WIPF3: variants seen among roughly 807,000 people sequenced by gnomAD.
The protein encoded by WIPF3 is WAS/WASL-interacting protein family member 3.
A neutral mutation model predicts 38.9 loss-of-function variants in WIPF3; 33 were observed. That is an observed-to-expected ratio of 0.85 (90% CI 0.64 to 1.14). WIPF3 has a LOEUF of 1.14. Among genes scored for constraint, WIPF3 ranks in the 50% most tolerant of loss-of-function variants. The pLI is 0.00. For missense variants in WIPF3, 711 were observed against 652.5 expected (o/e 1.09, Z -0.98); for synonymous variants, 324 against 269.3 (o/e 1.20, Z -1.99).
chr7:29,892,882 A>T (rs758483377), intron 7 of WIPF3, among the ~76,000 whole-genome samples: 40 of 152,260 alleles, frequency 2.6e-4, no homozygotes, highest in Non-Finnish European at 4.9e-4. Flanking sequence ...CCTGGTCAAC[A>T]TGGTGAAACC....
At chr7:29,895,455 A>G (rs1228022448) in intron 7 of WIPF3, among the ~76,000 whole-genome samples, 1 of 152,246 alleles carries the variant, frequency 6.6e-6, no homozygotes, top group Non-Finnish European at 1.5e-5. Flanking sequence ...AATGTGGTGT[A>G]GCCATACGAT....
intron 8 of WIPF3, among the ~76,000 whole-genome samples, chr7:29,908,179 T>G (rs6944582): frequency 0.014 from 2,094 of 152,330 alleles, 34 homozygotes; most frequent in Non-Finnish European, 0.024. Flanking sequence ...ATTCCTACTG[T>G]GATCAAAAGA....
chr7:29,847,212 G>T (rs1004686413), intron 2 of WIPF3, among the ~76,000 whole-genome samples: 1 of 152,132 alleles, frequency 6.6e-6, no homozygotes, highest in Non-Finnish European at 1.5e-5. Context: ...TAAATAACCC[G>T]ATCTTGGACC....
Position 29,888,121 on chromosome 7 carries a change from A to G in WIPF3, c.1153A>G (p.Thr385Ala), listed in dbSNP as rs1352060495. The change falls in exon 6 of 9, where the codon ACC becomes GCC. Residue 385 changes from threonine to alanine, a missense_variant. Coordinates refer to ENST00000242140, the MANE Select transcript of WIPF3 (RefSeq NM_001080529.3). ...TCCAGCACCCCCTGCGAGATCACCT[A>G]CCACAGAGCTTTCAAGCAAGAGCCA... The part of the protein sequence containing the change: ...PPPAPPARSP[T>A]TELSSKSQQA... The G allele has an allele frequency of 6.2e-7, 1 of 1,613,858 alleles. No homozygotes were observed. Among genetic ancestry groups the G allele is most frequent in the Admixed American group, 1.7e-5 (1 of 59,996 alleles).
At chr7:29,809,532 G>A (rs1268473854) in intron 1 of WIPF3, among the ~76,000 whole-genome samples, 2 of 152,242 alleles carry the variant, frequency 1.3e-5, no homozygotes, top group African/African-American at 4.8e-5. Context: ...AGTTAGGGTT[G>A]GTGAGAAAGT....
Position 29,915,494 on chromosome 7 carries a change from G to A in WIPF3, c.*978G>A, listed in dbSNP as rs896706744. ...GAAATACCTGCCACAAATACCTAGT[G>A]CCTCACTGCCCCCATCTTAGGATCC... On this transcript the variant is annotated 3_prime_UTR_variant, in exon 9 of 9. Transcript: ENST00000242140. 6.6e-6 allele frequency: 1 copy of A among 152,176 alleles called. No individual in the cohort carries two copies. The highest frequency in any genetic ancestry group is 1.5e-5 in the Non-Finnish European group (1 of 68,052). The allele number at this position is 152,176 out of a possible 1,614,324, so 9.4% of individuals were successfully genotyped here.
chr7:29,892,581 A>G (rs1262857272), intron 7 of WIPF3, among the ~76,000 whole-genome samples: 2 of 152,220 alleles, frequency 1.3e-5, no homozygotes, highest in African/African-American at 4.8e-5. Flanking sequence ...CTTAATGCAG[A>G]GAGTTTCCAG....
chr7:29,909,259 A>G (rs1201795719), intron 8 of WIPF3, among the ~76,000 whole-genome samples: 1 of 152,146 alleles, frequency 6.6e-6, no homozygotes, highest in Non-Finnish European at 1.5e-5. Context: ...AGAACAAACT[A>G]AACCTAAAGC....
chr7:29,855,970 G>A (rs1318703723), intron 2 of WIPF3, among the ~76,000 whole-genome samples: 2 of 152,146 alleles, frequency 1.3e-5, no homozygotes, highest in African/African-American at 4.8e-5. Context: ...AGATTTAACT[G>A]TGAATTCTGT....
chr7:29,866,543 C>T (rs1785390582), intron 2 of WIPF3, among the ~76,000 whole-genome samples: 1 of 152,242 alleles, frequency 6.6e-6, no homozygotes, highest in Non-Finnish European at 1.5e-5. Context: ...ACTCTGTGCA[C>T]TTTCCATTTT....
At chr7:29,857,053 T>C (rs1323201361) in intron 2 of WIPF3, among the ~76,000 whole-genome samples, 1 of 152,146 alleles carries the variant, frequency 6.6e-6, no homozygotes, top group Non-Finnish European at 1.5e-5. Context: ...GCAAAGAATG[T>C]AGGCTGAGCG....
chr7:29,864,548 A>G (rs1327993214), intron 2 of WIPF3, among the ~76,000 whole-genome samples: 2 of 152,246 alleles, frequency 1.3e-5, no homozygotes, highest in Non-Finnish European at 2.9e-5. Context: ...TAGGGTTATG[A>G]AGTACAAATA....
chr7:29,905,120 A>G (rs56165215), intron 8 of WIPF3: 22,569 of 152,212 alleles, frequency 0.15, 1,815 homozygotes, highest in African/African-American at 0.19. Context: ...AAGGAAAGTG[A>G]CCTGAGAAGG....
chr7:29,877,845 TA>T (rs1785635930), intron 3 of WIPF3, among the ~76,000 whole-genome samples: 1 of 152,236 alleles, frequency 6.6e-6, no homozygotes, highest in Non-Finnish European at 1.5e-5. Flanking sequence ...TCGCATTATG[TA>T]TATGTAAATA....
chr7:29,876,313 A>G (rs898108206), intron 3 of WIPF3, among the ~76,000 whole-genome samples: 1 of 152,214 alleles, frequency 6.6e-6, no homozygotes, highest in Non-Finnish European at 1.5e-5. Context: ...ATGTTGTTGC[A>G]ACAATCACCT....
chr7:29,837,014 C>T (rs1003380323), intron 2 of WIPF3, among the ~76,000 whole-genome samples: 2 of 150,132 alleles, frequency 1.3e-5, no homozygotes, highest in African/African-American at 4.9e-5. Context: ...AAACAACTTA[C>T]ATCTATGCTG....
At chr7:29,817,550 A>AT (rs1021905421) in intron 1 of WIPF3, among the ~76,000 whole-genome samples, 3 of 151,908 alleles carry the variant, frequency 2.0e-5, no homozygotes, top group Non-Finnish European at 4.4e-5. Flanking sequence ...AGCTAACTTA[A>AT]TTTTTTTCCA....
rs1373856825 is a variant in WIPF3 at position 29,884,592 on chromosome 7, A to G, written c.1098A>G (p.Pro366=). Residue 366 remains proline, a splice_region_variant and synonymous_variant, in exon 5 of 9, where the codon CCA becomes CCG. Coordinates refer to ENST00000242140, the MANE Select transcript of WIPF3 (RefSeq NM_001080529.3). ...TGCAGAAGAAGAGGCATGGCCGACC[A>G]GGTAAGGAGCGCTGCCTGGCCCAGT... ...PFLQKKRHGR[P]GAGGGKLNPP... 3 of 1,604,206 alleles carry G rather than the reference A, an allele frequency of 1.9e-6. No individual in the cohort carries two copies. Among genetic ancestry groups the G allele is most frequent in the Non-Finnish European group, 2.5e-6 (3 of 1,176,778 alleles).
chr7:29,879,005 A>G lies in WIPF3; in HGVS notation c.224-4A>G. The G allele has an allele frequency of 6.3e-7, 1 of 1,592,704 alleles. No homozygotes were observed. The highest frequency in any genetic ancestry group is 8.6e-7 in the Non-Finnish European group (1 of 1,167,544). On this transcript the variant is annotated splice_polypyrimidine_tract_variant and splice_region_variant and intron_variant, in intron 3 of 8. Coordinates refer to ENST00000242140, the MANE Select transcript of WIPF3 (RefSeq NM_001080529.3). ...CCTTGCCTATTTGTGTCTTCTCTCT[A>G]AAGGTTCTAAAGGAACCAACAAAGA...
Sources: gnomAD v4.1 joint callset for allele counts (sites outside exome capture counted in the v4.1 genomes callset) on GRCh38, gnomAD v4.1.1 for gene constraint, MANE v1.5 for transcripts, NCBI Gene and HGNC (gene_info 2026-07-23, HGNC 2026-07-21) for gene names.